Variants in GARRE1 observed in about 807,000 individuals in gnomAD.
GARRE1 encodes the protein granule associated Rac and RHOG effector protein 1.
A neutral mutation model predicts 103.2 loss-of-function variants in GARRE1; 49 were observed. The ratio of observed to expected loss-of-function variants is 0.47; its 90% CI spans 0.38 to 0.60. The LOEUF is 0.60. Among genes scored for constraint, GARRE1 ranks in the 20% least tolerant of loss-of-function variants. The pLI, the probability that GARRE1 is intolerant of heterozygous loss-of-function variation, is 0.00. For missense variants in GARRE1, 1,199 were observed against 1,370.5 expected (o/e 0.87, Z 1.98); for synonymous variants, 505 against 532.8 (o/e 0.95, Z 0.72).
At chr19:34,272,221 A>G (rs1401679514) in intron 1 of GARRE1, among the ~76,000 whole-genome samples, 2 of 152,102 alleles carry the variant, frequency 1.3e-5, no homozygotes, top group Non-Finnish European at 2.9e-5. Flanking sequence ...TGACAGGGTA[A>G]AACTTTTTTT....
At chr19:34,296,103 T>C (rs886567320) in intron 1 of GARRE1, among the ~76,000 whole-genome samples, 3 of 151,990 alleles carry the variant, frequency 2.0e-5, no homozygotes, top group African/African-American at 7.2e-5. Context: ...ATATTACTTT[T>C]ACAACATTTT....
intron 1 of GARRE1, among the ~76,000 whole-genome samples, chr19:34,270,183 C>G (rs1409005124): frequency 6.6e-6 from 1 of 152,250 alleles, no homozygotes; most frequent in African/African-American, 2.4e-5. Context: ...CTGGCTGCTG[C>G]TAAGCAGTGA....
intron 12 of GARRE1, among the ~76,000 whole-genome samples, chr19:34,350,369 G>A (rs930046311): frequency 6.6e-6 from 1 of 152,174 alleles, no homozygotes; most frequent in Non-Finnish European, 1.5e-5. Context: ...GGTGGAGTTT[G>A]AGACTTTTCT....
intron 1 of GARRE1, among the ~76,000 whole-genome samples, chr19:34,261,764 T>G (rs922752905): frequency 1.3e-5 from 2 of 151,976 alleles, no homozygotes; most frequent in African/African-American, 4.8e-5. Context: ...GGAAATGACA[T>G]TGGAAAGTGG....
rs1360297029 is a variant in GARRE1, at chr19:34,263,297, T to TAGATAGAC, written c.-796+8688_-796+8689insGACAGATA. Among the ~76,000 whole-genome samples, 30 of 151,986 alleles carry TAGATAGAC rather than the reference T, an allele frequency of 2.0e-4. No homozygotes were observed. In the East Asian group the frequency reaches 5.8e-3, roughly 29 times the overall value. On this transcript the variant is annotated intron_variant, in intron 1 of 13. Coordinates refer to ENST00000299505, the MANE Select transcript of GARRE1 (RefSeq NM_014686.5). ...ATAGATAGATAGATAGATAGATAGA[T>TAGATAGAC]AGATATACATGAAATAGGTTTATAA...
chr19:34,280,775 G>A (rs998588048), intron 1 of GARRE1, among the ~76,000 whole-genome samples: 3 of 152,046 alleles, frequency 2.0e-5, no homozygotes, highest in Non-Finnish European at 4.4e-5. Flanking sequence ...TGTTATATGA[G>A]TTCCCTGCTT....
At chr19:34,287,204 G>A (rs1388977005) in intron 1 of GARRE1, among the ~76,000 whole-genome samples, 1 of 151,470 alleles carries the variant, frequency 6.6e-6, no homozygotes. Flanking sequence ...GATTTGGATT[G>A]CATCCCAGTA....
chr19:34,354,556 C>T lies in GARRE1; in HGVS notation c.*1601C>T. On this transcript the variant is annotated 3_prime_UTR_variant, in exon 14 of 14. Transcript: ENST00000299505. Reference sequence around the variant, plus strand: ...GTGTGGTGGCGTGCGCCTGTAGTCCCAGCTACTCGGGAGGCTGAAGCAGAA... The same window carrying T: ...GTGTGGTGGCGTGCGCCTGTAGTCCTAGCTACTCGGGAGGCTGAAGCAGAA... 1 of 152,242 alleles carries T rather than the reference C, an allele frequency of 6.6e-6. No homozygotes were observed. Among genetic ancestry groups the T allele is most frequent in the Non-Finnish European group, 1.5e-5 (1 of 68,064 alleles). 9.4% of individuals were successfully genotyped at this position (152,242 alleles called of 1,614,324 possible).
At chr19:34,320,645 T>G (rs913749219) in intron 3 of GARRE1, among the ~76,000 whole-genome samples, 6 of 152,192 alleles carry the variant, frequency 3.9e-5, no homozygotes, top group African/African-American at 1.2e-4. Context: ...TTTTGTGTTT[T>G]TTGTTAGTCA....
chr19:34,320,671 A>G (rs1480987950), intron 3 of GARRE1, among the ~76,000 whole-genome samples: 2 of 151,802 alleles, frequency 1.3e-5, no homozygotes, highest in African/African-American at 4.8e-5. Context: ...TTCCCTATAG[A>G]AGTGCTTGGA....
At chr19:34,284,807 T>G (rs973181781) in intron 1 of GARRE1, among the ~76,000 whole-genome samples, 1 of 152,252 alleles carries the variant, frequency 6.6e-6, no homozygotes, top group African/African-American at 2.4e-5. Context: ...TTGAACATAT[T>G]TTAGCCTGAC....
At chr19:34,290,874 C>CTTTTTTTT (rs71165641) in intron 1 of GARRE1, among the ~76,000 whole-genome samples, 3 of 63,214 alleles carry the variant, frequency 4.7e-5, no homozygotes, top group Non-Finnish European at 5.5e-5. Context: ...AAGCATATTG[C>CTTTTTTTT]TTTTTTTTTT....
At chr19:34,263,374 G>A (rs976293859) in intron 1 of GARRE1, among the ~76,000 whole-genome samples, 4 of 152,090 alleles carry the variant, frequency 2.6e-5, no homozygotes, top group Admixed American at 6.6e-5. Context: ...TTGTTTTTGG[G>A]ATGAGACCCC....
chr19:34,353,723 A>C lies in GARRE1; in HGVS notation c.*768A>C, dbSNP rs1254141279. On this transcript the variant is annotated 3_prime_UTR_variant, in exon 14 of 14. Coordinates refer to ENST00000299505, the MANE Select transcript of GARRE1 (RefSeq NM_014686.5). ...GAAGGTGCGTGGCGGTGGACCAGCCAGCTGCTGTCCATGTGCAGAGCAAGG... is the reference window on the plus strand; with the variant it reads ...GAAGGTGCGTGGCGGTGGACCAGCCCGCTGCTGTCCATGTGCAGAGCAAGG... 1 of 152,234 alleles carries C rather than the reference A, an allele frequency of 6.6e-6. No homozygotes were observed. The highest frequency in any genetic ancestry group is 1.5e-5 in the Non-Finnish European group (1 of 68,054). 9.4% of individuals were successfully genotyped at this position (152,234 alleles called of 1,614,324 possible).
chr19:34,278,614 G>T (rs1290644231), intron 1 of GARRE1, among the ~76,000 whole-genome samples: 2 of 151,962 alleles, frequency 1.3e-5, no homozygotes, highest in Non-Finnish European at 2.9e-5. Context: ...TTTAGTGTCT[G>T]GCATCTTAGC....
chr19:34,261,066 G>A (rs1420617376), intron 1 of GARRE1, among the ~76,000 whole-genome samples: 1 of 152,188 alleles, frequency 6.6e-6, no homozygotes, highest in African/African-American at 2.4e-5. Context: ...TGTCCCTGTT[G>A]TTGCCTCTGG....
chr19:34,279,213 T>G (rs2073836145), intron 1 of GARRE1, among the ~76,000 whole-genome samples: 1 of 152,226 alleles, frequency 6.6e-6, no homozygotes, highest in Non-Finnish European at 1.5e-5. Flanking sequence ...GGAAGCACCA[T>G]ACTGTTTTCC....
In GARRE1 at chr19:34,351,534, A is replaced by G. The variant is rs750704432; in HGVS notation, c.2846A>G (p.Gln949Arg). 8.1e-6 allele frequency: 13 copies of G among 1,613,880 alleles called. No homozygotes were observed. Among genetic ancestry groups the G allele is most frequent in the Middle Eastern group, 1.6e-4 (1 of 6,084 alleles). The change falls in exon 13 of 14, where the codon CAA (glutamine) becomes CGA (arginine). Residue 949 changes from glutamine (Q) to arginine (R), a missense_variant. By Grantham distance (43) the Gln-to-Arg change is conservative. Transcript: ENST00000299505. ...TGCAGGAAACACAGCAGTGGAGAGC[A>G]AGACACCAGCACGCTGCCCTCACCA... The part of the protein sequence containing the change: ...KQRRKHSSGE[Q>R]DTSTLPSPPL...
chr19:34,269,855 G>A (rs2073775935), intron 1 of GARRE1, among the ~76,000 whole-genome samples: 1 of 152,186 alleles, frequency 6.6e-6, no homozygotes, highest in South Asian at 2.1e-4. Flanking sequence ...AAGTGAACAT[G>A]CTTTAGTATT....
Sources: allele counts gnomAD v4.1 joint callset (sites outside exome capture counted in the v4.1 genomes callset), GRCh38; gene constraint gnomAD v4.1.1; transcripts MANE v1.5; gene names NCBI Gene and HGNC (gene_info 2026-07-23, HGNC 2026-07-21).